Variants in ARHGAP10 observed in about 807,000 individuals in gnomAD.
ARHGAP10 encodes Rho GTPase activating protein 10.
In ARHGAP10, 87 loss-of-function variants were observed where a neutral mutation model predicts 108.6. The ratio of observed to expected loss-of-function variants is 0.80; its 90% CI spans 0.67 to 0.96. The LOEUF (loss-of-function observed/expected upper bound fraction) is 0.96. Ranked by LOEUF, ARHGAP10 falls within the 40% of genes least tolerant of loss-of-function variation. The probability of loss-of-function intolerance (pLI) is 0.00; values close to 1 mark genes in which losing one functional copy is unlikely to be tolerated. For synonymous variants in ARHGAP10, 347 were observed against 341.1 expected (o/e 1.02, Z -0.19); for missense variants, 939 against 954.5 (o/e 0.98, Z 0.21).
rs192514885 is a variant in ARHGAP10 at position 147,739,547 on chromosome 4, C to T, written c.154+7092C>T. On this transcript the variant is annotated intron_variant, in intron 1 of 22. Transcript: ENST00000336498. ...TCTGACATGCTGGAAATCCTAACAGCTTGTATTTGCTATGGTAAATTCACA... is the reference window on the plus strand; with the variant it reads ...TCTGACATGCTGGAAATCCTAACAGTTTGTATTTGCTATGGTAAATTCACA... Among the ~76,000 whole-genome samples, 23 of 152,280 alleles carry T rather than the reference C, an allele frequency of 1.5e-4. No homozygotes were observed. In the East Asian group the frequency reaches 4.4e-3, roughly 29 times the overall value.
intron 1 of ARHGAP10, among the ~76,000 whole-genome samples, chr4:147,742,736 C>T (rs1194897925): frequency 6.6e-6 from 1 of 151,970 alleles, no homozygotes; most frequent in Non-Finnish European, 1.5e-5. Flanking sequence ...CCGCCTCTCT[C>T]GGCCTCCCAA....
intron 3 of ARHGAP10, among the ~76,000 whole-genome samples, chr4:147,835,464 C>G (rs984711569): frequency 6.6e-6 from 1 of 152,164 alleles, no homozygotes; most frequent in Non-Finnish European, 1.5e-5. Flanking sequence ...CCTCTGCCTC[C>G]CAGGTTCCAG....
At chr4:147,855,861 G>A (rs141258036) in intron 4 of ARHGAP10, among the ~76,000 whole-genome samples, 20 of 152,224 alleles carry the variant, frequency 1.3e-4, no homozygotes, top group African/African-American at 4.3e-4. Flanking sequence ...GAAGAACAGC[G>A]TGTGGTCCCA....
intron 13 of ARHGAP10, among the ~76,000 whole-genome samples, chr4:147,929,880 C>T (rs75244583): frequency 0.028 from 4,324 of 152,046 alleles, 86 homozygotes; most frequent in Non-Finnish European, 0.04. Flanking sequence ...TTGTATAACC[C>T]ATAGAGAAAT....
At chr4:147,837,433 T>G (rs1733214256) in intron 3 of ARHGAP10, among the ~76,000 whole-genome samples, 3 of 152,092 alleles carry the variant, frequency 2.0e-5, no homozygotes, top group Admixed American at 2.0e-4. Flanking sequence ...GGGTATTGGG[T>G]TTCTTGTAGT....
intron 19 of ARHGAP10, among the ~76,000 whole-genome samples, chr4:148,039,304 C>A (rs1188267420): frequency 6.8e-6 from 1 of 148,034 alleles, no homozygotes; most frequent in Non-Finnish European, 1.5e-5. Context: ...CATTTGAAGG[C>A]AGTTTGAATA....
chr4:147,739,824 C>T (rs1728584693), intron 1 of ARHGAP10, among the ~76,000 whole-genome samples: 1 of 151,780 alleles, frequency 6.6e-6, no homozygotes, highest in Non-Finnish European at 1.5e-5. Context: ...CAACCTCCGC[C>T]TCCCAGGTTC....
chr4:147,737,858 T>G (rs1257353750), intron 1 of ARHGAP10, among the ~76,000 whole-genome samples: 1 of 152,194 alleles, frequency 6.6e-6, no homozygotes, highest in Non-Finnish European at 1.5e-5. Flanking sequence ...TATTTAGAGC[T>G]TCCCACCAGG....
At chr4:147,823,932 A>G (rs1375133694) in intron 3 of ARHGAP10, among the ~76,000 whole-genome samples, 1 of 152,138 alleles carries the variant, frequency 6.6e-6, no homozygotes, top group Non-Finnish European at 1.5e-5. Context: ...TACCTTCCTA[A>G]TGATATTCTT....
At position 148,045,668 on chromosome 4, in the gene ARHGAP10, G is replaced by C. The variant is rs573692428; in HGVS notation, c.1868-1224G>C. Among the ~76,000 whole-genome samples, 8 of 151,106 alleles carry C rather than the reference G, an allele frequency of 5.3e-5. No homozygotes were observed. In the South Asian group the frequency reaches 1.3e-3, roughly 24 times the overall value. On this transcript the variant is annotated intron_variant, in intron 19 of 22. Transcript: ENST00000336498. ...CAGGAGAACTGCTTGAACCTGGGAG[G>C]CGGAGCTTGCGGTGAGCCGAGATCG...
chr4:148,068,968 C>A (rs1365077389), intron 22 of ARHGAP10, among the ~76,000 whole-genome samples: 1 of 152,154 alleles, frequency 6.6e-6, no homozygotes, highest in African/African-American at 2.4e-5. Flanking sequence ...GGTGAGGTTC[C>A]TGGACTGAGA....
At chr4:148,030,862 G>GA (rs1013970745) in intron 19 of ARHGAP10, among the ~76,000 whole-genome samples, 3 of 141,276 alleles carry the variant, frequency 2.1e-5, no homozygotes, top group East Asian at 2.0e-4. Context: ...TTAGATGAAA[G>GA]AAAAAAAAGA....
intron 5 of ARHGAP10, among the ~76,000 whole-genome samples, chr4:147,860,580 C>CA (rs1560795674): frequency 6.6e-6 from 1 of 150,766 alleles, no homozygotes; most frequent in Non-Finnish European, 1.5e-5. Context: ...TACCTCCATC[C>CA]ACACCCCTAC....
At chr4:147,886,201 G>A (rs1735548972) in intron 10 of ARHGAP10, among the ~76,000 whole-genome samples, 1 of 152,190 alleles carries the variant, frequency 6.6e-6, no homozygotes, top group Non-Finnish European at 1.5e-5. Flanking sequence ...CTCATTGCAA[G>A]CATTTTGGAT....
At chr4:147,993,574 G>A (rs1022186185) in intron 18 of ARHGAP10, among the ~76,000 whole-genome samples, 3 of 152,210 alleles carry the variant, frequency 2.0e-5, no homozygotes, top group African/African-American at 7.2e-5. Flanking sequence ...AGTCAGCTGT[G>A]CAACTGTGAC....
At chr4:147,804,343 T>TA (rs1409546921) in intron 1 of ARHGAP10, among the ~76,000 whole-genome samples, 2 of 152,244 alleles carry the variant, frequency 1.3e-5, no homozygotes, top group Non-Finnish European at 2.9e-5. Flanking sequence ...TTCTTTTTTT[T>TA]ATGGCCATAT....
intron 15 of ARHGAP10, among the ~76,000 whole-genome samples, chr4:147,948,699 G>T (rs1006073365): frequency 6.6e-6 from 1 of 151,964 alleles, no homozygotes. Context: ...GCTCACGCCT[G>T]TAATCTCAGC....
Position 147,733,234 on chromosome 4 carries a change from A to G in ARHGAP10, c.154+779A>G, listed in dbSNP as rs1187891222. Among the ~76,000 whole-genome samples the G allele has an allele frequency of 7.9e-5, 12 of 152,308 alleles. No individual in the cohort carries two copies. In the East Asian group the frequency reaches 1.9e-3, roughly 25 times the overall value. On this transcript the variant is annotated intron_variant, in intron 1 of 22. Transcript: ENST00000336498. Reference sequence around the variant, plus strand: ...GAAGAAGACACGAGATACAGGAGAGATAACTGTATTTTAGTGTAGTTGAGG... The same window carrying G: ...GAAGAAGACACGAGATACAGGAGAGGTAACTGTATTTTAGTGTAGTTGAGG...
chr4:147,912,063 C>A (rs1293824839), intron 12 of ARHGAP10, among the ~76,000 whole-genome samples: 1 of 146,702 alleles, frequency 6.8e-6, no homozygotes, highest in African/African-American at 2.5e-5. Context: ...AACTGAGCTG[C>A]TGTTGGAATT....
Sources: allele counts gnomAD v4.1 joint callset (sites outside exome capture counted in the v4.1 genomes callset), GRCh38; gene constraint gnomAD v4.1.1; transcripts MANE v1.5; gene names NCBI Gene and HGNC (gene_info 2026-07-23, HGNC 2026-07-21).